The following C17orf67 variants were observed in gnomAD, a reference collection of about 807,000 sequenced individuals.
C17orf67 encodes the protein uncharacterized protein C17orf67.
Under a neutral mutation model 11.2 loss-of-function variants are expected in C17orf67, and 12 were observed. That is an observed-to-expected ratio of 1.07 (90% CI 0.68 to 1.73). The LOEUF (loss-of-function observed/expected upper bound fraction) is 1.73, where lower values mean the gene tolerates loss of function less well. Ranked by LOEUF, C17orf67 falls within the 40% of genes most tolerant of loss-of-function variation. The probability of loss-of-function intolerance (pLI) is 0.00; values close to 1 mark genes in which losing one functional copy is unlikely to be tolerated. For missense variants in C17orf67, 115 were observed against 113.5 expected, an observed-to-expected ratio of 1.01 and a Z score of -0.06; for synonymous variants, 59 against 46.9, an observed-to-expected ratio of 1.26 and a Z score of -1.05.
intron 6 of C17orf67, among the ~76,000 whole-genome samples, chr17:56,810,347 T>C (rs994917067): frequency 8.5e-6 from 1 of 117,128 alleles, no homozygotes; most frequent in Non-Finnish European, 1.8e-5. Context: ...ACACACACCC[T>C]CACACACACA....
chr17:56,797,728 C>T (rs1347526650), intron 6 of C17orf67, among the ~76,000 whole-genome samples: 1 of 152,110 alleles, frequency 6.6e-6, no homozygotes, highest in Non-Finnish European at 1.5e-5. Context: ...GTCTTTGCAT[C>T]TCCTCTCTCA....
At chr17:56,801,550 C>T (rs1905322391) in intron 6 of C17orf67, among the ~76,000 whole-genome samples, 1 of 151,914 alleles carries the variant, frequency 6.6e-6, no homozygotes, top group African/African-American at 2.4e-5. Flanking sequence ...AAGACCCATG[C>T]AGTTTGGATT....
At chr17:56,801,018 C>T (rs1323849515) in intron 6 of C17orf67, among the ~76,000 whole-genome samples, 2 of 152,234 alleles carry the variant, frequency 1.3e-5, no homozygotes, top group African/African-American at 4.8e-5. Context: ...CACCGCACTC[C>T]AGCGCAGGCA....
intron 2 of C17orf67, among the ~76,000 whole-genome samples, chr17:56,827,471 T>G (rs1333939960): frequency 6.6e-6 from 1 of 152,186 alleles, no homozygotes; most frequent in African/African-American, 2.4e-5. Flanking sequence ...AGAAAGGAAA[T>G]CAGAATCTGC....
intron 6 of C17orf67, among the ~76,000 whole-genome samples, chr17:56,799,983 T>TA (rs1441177787): frequency 4.4e-4 from 14 of 31,684 alleles, no homozygotes; most frequent in African/African-American, 1.4e-3. Context: ...CTTAAAGTCA[T>TA]GAAAAAAAAA....
intron 4 of C17orf67, among the ~76,000 whole-genome samples, chr17:56,822,896 C>T (rs1039865142): frequency 2.0e-5 from 3 of 152,192 alleles, no homozygotes; most frequent in Non-Finnish European, 2.9e-5. Flanking sequence ...GGGGCCTTTC[C>T]GGCCTGCTGC....
At chr17:56,828,612 A>G (rs944092184) in intron 2 of C17orf67, among the ~76,000 whole-genome samples, 4 of 152,246 alleles carry the variant, frequency 2.6e-5, no homozygotes, top group Non-Finnish European at 5.9e-5. Context: ...AAAATTAAAC[A>G]AACACCTGTG....
At position 56,815,840 on chromosome 17, in the gene C17orf67, G is replaced by C; in HGVS notation, c.-30C>G. The C allele has an allele frequency of 6.2e-7, 1 of 1,613,546 alleles. No homozygotes were observed. Among genetic ancestry groups the C allele is most frequent in the Non-Finnish European group, 8.5e-7 (1 of 1,179,694 alleles). On this transcript the variant is annotated 5_prime_UTR_variant, in exon 5 of 8. Transcript: ENST00000397861. ...CCTTGGTTCCTCTGCCTCTTGCTGAGTGAATCCTCCCAGACTGAGTCAGCC... is the reference window on the plus strand; with the variant it reads ...CCTTGGTTCCTCTGCCTCTTGCTGACTGAATCCTCCCAGACTGAGTCAGCC...
intron 6 of C17orf67, among the ~76,000 whole-genome samples, chr17:56,796,668 T>C (rs1905219685): frequency 2.0e-5 from 3 of 152,176 alleles, no homozygotes. Flanking sequence ...ATCGGGACGT[T>C]GAGGCTATCT....
At chr17:56,799,760 T>G (rs932256555) in intron 6 of C17orf67, among the ~76,000 whole-genome samples, 2 of 152,256 alleles carry the variant, frequency 1.3e-5, no homozygotes, top group Admixed American at 6.5e-5. Flanking sequence ...TTCCAGATTT[T>G]GGCCATTCTA....
At chr17:56,827,341 C>T (rs1280186866) in intron 2 of C17orf67, among the ~76,000 whole-genome samples, 1 of 152,152 alleles carries the variant, frequency 6.6e-6, no homozygotes, top group Non-Finnish European at 1.5e-5. Flanking sequence ...TGAGTACAGG[C>T]AGAATGGTGG....
intron 2 of C17orf67, among the ~76,000 whole-genome samples, chr17:56,827,500 G>C (rs1159500617): frequency 6.6e-6 from 1 of 152,224 alleles, no homozygotes; most frequent in Non-Finnish European, 1.5e-5. Flanking sequence ...AAGATTCCCA[G>C]GGCAAGGTTC....
intron 6 of C17orf67, among the ~76,000 whole-genome samples, chr17:56,813,266 C>T (rs1597994390): frequency 6.6e-6 from 1 of 152,084 alleles, no homozygotes; most frequent in Admixed American, 6.5e-5. Context: ...TCCTCCTCCC[C>T]ATCACAGTTG....
chr17:56,808,445 A>G (rs575015656), intron 6 of C17orf67, among the ~76,000 whole-genome samples: 1 of 152,166 alleles, frequency 6.6e-6, no homozygotes, highest in East Asian at 1.9e-4. Flanking sequence ...TGCTGCCTCC[A>G]TACACTCAAA....
At chr17:56,807,435 TAGGGAGGCACAGATTTGCCTTTG>T (rs1905480557) in intron 6 of C17orf67, among the ~76,000 whole-genome samples, 1 of 152,100 alleles carries the variant, frequency 6.6e-6, no homozygotes, top group Non-Finnish European at 1.5e-5. Context: ...ACCTGGGGGT[TAGGGAGGCACAGATTTGCCTTTG>T]GGAAGTATGG....
intron 4 of C17orf67, among the ~76,000 whole-genome samples, chr17:56,818,909 C>T (rs1905829679): frequency 6.6e-6 from 1 of 152,138 alleles, no homozygotes; most frequent in African/African-American, 2.4e-5. Flanking sequence ...AAGTCTAGGC[C>T]ATTGTTTCCC....
At position 56,815,850 on chromosome 17, in the gene C17orf67, C is replaced by A. The variant is rs1255247627; in HGVS notation, c.-40G>T. 1 of 1,612,814 alleles carries A rather than the reference C, an allele frequency of 6.2e-7. No homozygotes were observed. The highest frequency in any genetic ancestry group is 8.5e-7 in the Non-Finnish European group (1 of 1,179,408). On this transcript the variant is annotated 5_prime_UTR_variant, in exon 5 of 8. Transcript: ENST00000397861. ...TCTGCCTCTTGCTGAGTGAATCCTC[C>A]CAGACTGAGTCAGCCAACTTGAAGG... is the stretch of plus-strand genomic sequence containing the variant.
At chr17:56,820,547 G>C (rs1301359203) in intron 4 of C17orf67, among the ~76,000 whole-genome samples, 3 of 152,166 alleles carry the variant, frequency 2.0e-5, no homozygotes. Flanking sequence ...AACCCACGCA[G>C]ACATGGAAAG....
At chr17:56,798,511 T>C (rs1905253903) in intron 6 of C17orf67, among the ~76,000 whole-genome samples, 1 of 152,008 alleles carries the variant, frequency 6.6e-6, no homozygotes, top group South Asian at 2.1e-4. Context: ...TAGTTGATAT[T>C]AGGGCTCACT....
Sources: gnomAD v4.1 joint callset for allele counts (sites outside exome capture counted in the v4.1 genomes callset) on GRCh38, gnomAD v4.1.1 for gene constraint, MANE v1.5 for transcripts, NCBI Gene and HGNC (gene_info 2026-07-23, HGNC 2026-07-21) for gene names.